Variants in SLC5A9 observed in about 807,000 individuals in gnomAD.
The protein encoded by SLC5A9 is solute carrier family 5 member 9, also known as sodium/glucose cotransporter 4.
SLC5A9 carries 59 observed loss-of-function variants against 70.9 expected under a neutral mutation model. The ratio of observed to expected loss-of-function variants is 0.83; its 90% CI spans 0.68 to 1.03. The LOEUF (loss-of-function observed/expected upper bound fraction) is 1.03. Among genes scored for constraint, SLC5A9 ranks in the 50% least tolerant of loss-of-function variants. The pLI is 0.00. For synonymous variants in SLC5A9, 340 were observed against 346.5 expected (o/e 0.98, Z 0.21); for missense variants, 832 against 881.1 (o/e 0.94, Z 0.71).
intron 11 of SLC5A9, chr1:48,238,614 C>A (rs190608898): frequency 6.6e-6 from 1 of 152,390 alleles, no homozygotes; most frequent in African/African-American, 2.4e-5. Context: ...GGTCATGGAA[C>A]CCCCTCCCTT....
intron 5 of SLC5A9, 50 bp downstream of exon 5, chr1:48,230,755 C>A: frequency 7.2e-7 from 1 of 1,397,968 alleles, no homozygotes; most frequent in South Asian, 1.2e-5. Context: ...GGCAGAGACC[C>A]AGAGAGAAAG....
chr1:48,242,217 G>A (rs1644398938), intron 12 of SLC5A9: 4 of 535,806 alleles, frequency 7.5e-6, no homozygotes, highest in Non-Finnish European at 1.3e-5. Flanking sequence ...TGTGTTTCAG[G>A]TCTGTATTCC....
At position 48,237,686 on chromosome 1, in the gene SLC5A9, G is replaced by A. The variant is rs1271897563; in HGVS notation, c.1300G>A (p.Val434Met). The change falls in exon 11 of 14, where the codon GTG (valine) becomes ATG (methionine). Residue 434 changes from valine (V) to methionine (M), a missense_variant. Val to Met is a conservative substitution (Grantham distance 21, BLOSUM62 1). Transcript: ENST00000438567. ...CTGTGCTCTCTCTGGCAGAGTGTTT[G>A]TGGTGTTCCTGGTTGTCATCAGCAT... is the stretch of plus-strand genomic sequence containing the variant. The part of the protein sequence containing the change: ...QELMVVGRVF[V>M]VFLVVISILW... 2.5e-6 allele frequency: 4 copies of A among 1,613,866 alleles called. No homozygotes were observed. Among genetic ancestry groups the A allele is most frequent in the South Asian group, 1.1e-5 (1 of 91,074 alleles).
chr1:48,237,852 G>A lies in SLC5A9; in HGVS notation c.1461+5G>A, dbSNP rs1414060179. 1 of 1,613,848 alleles carries A rather than the reference G, an allele frequency of 6.2e-7. No individual in the cohort carries two copies. Among genetic ancestry groups the A allele is most frequent in the Non-Finnish European group, 8.5e-7 (1 of 1,179,942 alleles). On this transcript the variant is annotated splice_donor_5th_base_variant and intron_variant, in intron 11 of 13. Coordinates refer to ENST00000438567, the MANE Select transcript of SLC5A9 (RefSeq NM_001011547.3). ...TGCAAGAGGGTCACAGAGCCCGTGA[G>A]TGCAGTGTACCTGTCTCTCACATAC... is the stretch of plus-strand genomic sequence containing the variant.
chr1:48,244,273 C>G (rs916153810), intron 13 of SLC5A9, among the ~76,000 whole-genome samples: 9 of 152,190 alleles, frequency 5.9e-5, no homozygotes, highest in African/African-American at 2.2e-4. Context: ...GCTAAGAGCA[C>G]AGACAGGATT....
intron 3 of SLC5A9, 142 bp from the exon 4 acceptor site, chr1:48,229,153 C>G: frequency 3.7e-6 from 6 of 1,613,698 alleles, no homozygotes; most frequent in Non-Finnish European, 5.1e-6. Flanking sequence ...CAAGGTCACA[C>G]GGGAGGACTG....
rs1438516252 is a variant in SLC5A9 at position 48,230,794 on chromosome 1, A to G, written c.610+89A>G. 4 of 948,064 alleles carry G rather than the reference A, an allele frequency of 4.2e-6. No individual in the cohort carries two copies. The East Asian group carries it at 7.8e-5, about 18-fold the overall frequency. The allele number at this position is 948,064 out of a possible 1,614,324, so 58.7% of individuals were successfully genotyped here. On this transcript the variant is annotated intron_variant, in intron 5 of 13. Transcript: ENST00000438567. ...GAAGGAGAGACAACCAGAGAGAGAG[A>G]CAGAGTGACAGAAAGCTGATGCTGA...
Position 48,232,082 on chromosome 1 carries a change from G to A in SLC5A9, c.828G>A (p.Gly276=), listed in dbSNP as rs1225893013. 1 of 1,614,156 alleles carries A rather than the reference G, an allele frequency of 6.2e-7. No homozygotes were observed. The highest frequency in any genetic ancestry group is 1.7e-5 in the Admixed American group (1 of 60,028). Residue 276 remains glycine (G), a synonymous_variant, in exon 7 of 14, where the codon GGG becomes GGA. Coordinates refer to ENST00000438567, the MANE Select transcript of SLC5A9 (RefSeq NM_001011547.3). ...ACATTCTTCGGGACCCTGTGAGCGG[G>A]GACATCCCTTGGCCAGGTCTCATTT... The part of the protein sequence containing the change: ...AFHILRDPVS[G]DIPWPGLIFG...
chr1:48,242,312 A>G, intron 12 of SLC5A9, 145 bp from the exon 13 acceptor site: 1 of 892,126 alleles, frequency 1.1e-6, no homozygotes, highest in Non-Finnish European at 1.7e-6. Context: ...CAGGGCTGAG[A>G]TCCGGGCCTC....
intron 2 of SLC5A9, among the ~76,000 whole-genome samples, chr1:48,225,698 A>T (rs1436100504): frequency 2.0e-5 from 3 of 152,092 alleles, no homozygotes; most frequent in African/African-American, 2.4e-5. Context: ...ACATGTTCAT[A>T]CATGCCCGCA....
At chr1:48,229,022 G>T in intron 3 of SLC5A9, 68 bp downstream of exon 3, 5 of 1,613,574 alleles carry the variant, frequency 3.1e-6, no homozygotes, top group Non-Finnish European at 4.2e-6. Flanking sequence ...TGGCATTAGT[G>T]CTGGGAGGAT....
At chr1:48,240,359 A>G (rs1427007488) in intron 12 of SLC5A9, 1 of 152,174 alleles carries the variant, frequency 6.6e-6, no homozygotes, top group Non-Finnish European at 1.5e-5. Flanking sequence ...TTTTCTGTAA[A>G]GACCCCATCT....
Position 48,247,269 on chromosome 1 carries a change from C to G in SLC5A9, c.1838-66C>G, listed in dbSNP as rs559609521. 1.4e-3 allele frequency: 2,016 copies of G among 1,473,230 alleles called. 6 individuals carry two copies. The highest frequency in any genetic ancestry group is 1.6e-3 in the Non-Finnish European group (1,729 of 1,064,132). 91.3% of individuals were successfully genotyped at this position (1,473,230 alleles called of 1,614,324 possible). ...CCCTCCCCTACTCTCCTATCACTTT[C>G]CTTTCTCCAATCTTCTTTGCCTCTC... On this transcript the variant is annotated intron_variant, in intron 13 of 13. Transcript: ENST00000438567.
At chr1:48,235,687 C>A in intron 9 of SLC5A9, 42 bp from the exon 10 acceptor site, 1 of 1,611,992 alleles carries the variant, frequency 6.2e-7, no homozygotes, top group East Asian at 2.2e-5. Flanking sequence ...AAGAGCCGGC[C>A]TTAATGGGCC....
chr1:48,236,021 T>A (rs1644322228), intron 10 of SLC5A9, 142 bp downstream of exon 10: 2 of 906,658 alleles, frequency 2.2e-6, no homozygotes, highest in Non-Finnish European at 3.3e-6. Flanking sequence ...TCCACATGAT[T>A]TCAAGTAAGT....
intron 10 of SLC5A9, 138 bp downstream of exon 10, chr1:48,236,017 T>A (rs1644322118): frequency 2.1e-6 from 2 of 942,376 alleles, no homozygotes; most frequent in Admixed American, 4.8e-5. Flanking sequence ...GCTCTCCACA[T>A]GATTTCAAGT....
intron 2 of SLC5A9, among the ~76,000 whole-genome samples, chr1:48,226,314 TTGTC>T (rs1305500172): frequency 1.3e-5 from 2 of 152,088 alleles, no homozygotes; most frequent in African/African-American, 4.8e-5. Context: ...GCCCTGCTGA[TTGTC>T]TGGTCAACCC....
chr1:48,239,260 T>C lies in SLC5A9; in HGVS notation c.1462-62T>C. ...GAGAGAGATTTGGGGAGAGAGTAGT[T>C]TTACCTTCCTAGGGTCTCCCACCTG... is the stretch of plus-strand genomic sequence containing the variant. On this transcript the variant is annotated intron_variant, in intron 11 of 13. Coordinates refer to ENST00000438567, the MANE Select transcript of SLC5A9 (RefSeq NM_001011547.3). This position sits in a 1 kb window ranked among gnomAD's most constrained non-coding sequence, Gnocchi z 4.2. 1 of 1,268,674 alleles carries C rather than the reference T, an allele frequency of 7.9e-7. No individual in the cohort carries two copies. Among genetic ancestry groups the C allele is most frequent in the Non-Finnish European group, 1.1e-6 (1 of 900,942 alleles). The allele number at this position is 1,268,674 out of a possible 1,614,324, so 78.6% of individuals were successfully genotyped here. A position where few individuals can be genotyped will look rare whatever the true frequency, so the allele number is the denominator to read the frequency against.
At chr1:48,244,799 A>C (rs981013014) in intron 13 of SLC5A9, among the ~76,000 whole-genome samples, 28 of 132,818 alleles carry the variant, frequency 2.1e-4, no homozygotes, top group African/African-American at 7.6e-4. Context: ...AATTATATTT[A>C]TATTATATAT....
Sources: gnomAD v4.1 joint callset for allele counts (sites outside exome capture counted in the v4.1 genomes callset) on GRCh38, gnomAD v4.1.1 for gene constraint, Gnocchi (gnomAD v3.1) non-coding constraint, MANE v1.5 for transcripts, NCBI Gene and HGNC (gene_info 2026-07-23, HGNC 2026-07-21) for gene names.